The following ANKIB1 variants were observed in gnomAD, a reference collection of about 807,000 sequenced individuals.
ANKIB1 encodes ankyrin repeat and IBR domain containing 1.
A neutral mutation model predicts 122.1 loss-of-function variants in ANKIB1; 43 were observed. The ratio of observed to expected loss-of-function variants is 0.35; its 90% CI spans 0.28 to 0.45. The LOEUF is 0.45. Among genes scored for constraint, ANKIB1 ranks in the 20% least tolerant of loss-of-function variants. The probability of loss-of-function intolerance (pLI) is 1.00; values close to 1 mark genes in which losing one functional copy is unlikely to be tolerated. For missense variants in ANKIB1, 992 were observed against 1,329.5 expected (o/e 0.75, Z 3.95); for synonymous variants, 390 against 442.0 (o/e 0.88, Z 1.48).
intron 10 of ANKIB1, among the ~76,000 whole-genome samples, chr7:92,364,310 T>TG (rs1804021769): frequency 6.0e-5 from 2 of 33,506 alleles, no homozygotes; most frequent in Non-Finnish European, 1.2e-4. Context: ...AGACTCCATC[T>TG]AAAAAAAAAA....
chr7:92,342,367 G>A (rs2131975073), intron 5 of ANKIB1, among the ~76,000 whole-genome samples: 1 of 152,262 alleles, frequency 6.6e-6, no homozygotes, highest in East Asian at 1.9e-4. Context: ...TGTTTTTAAA[G>A]GGTTAGGTTT....
At chr7:92,372,129 A>T (rs1392980388) in intron 11 of ANKIB1, among the ~76,000 whole-genome samples, 1 of 152,074 alleles carries the variant, frequency 6.6e-6, no homozygotes, top group African/African-American at 2.4e-5. Flanking sequence ...TACTGTCTCC[A>T]TACAATTGGC....
At position 92,397,931 on chromosome 7, in the gene ANKIB1, C is replaced by T; in HGVS notation, c.2532+72C>T. The T allele has an allele frequency of 2.6e-6, 4 of 1,513,856 alleles. No homozygotes were observed. The South Asian group carries it at 3.8e-5, about 14-fold the overall frequency. The allele number at this position is 1,513,856 out of a possible 1,614,324, so 93.8% of individuals were successfully genotyped here. A position where few individuals can be genotyped will look rare whatever the true frequency, so the allele number is the denominator to read the frequency against. ...TGCTGAGTGTGGTTTCCTGTTGTTA[C>T]TTTCATCGCTTTCCTATTTCTTCCT... On this transcript the variant is annotated intron_variant, in intron 19 of 19. Coordinates refer to ENST00000265742, the MANE Select transcript of ANKIB1 (RefSeq NM_019004.2).
chr7:92,386,552 A>G lies in ANKIB1; in HGVS notation c.1661A>G (p.Lys554Arg), dbSNP rs1236265453. The change falls in exon 12 of 20, where the codon AAA (lysine) becomes AGA (arginine). Residue 554 changes from lysine to arginine, a missense_variant. Lys to Arg is a conservative substitution (Grantham distance 26). Coordinates refer to ENST00000265742, the MANE Select transcript of ANKIB1 (RefSeq NM_019004.2). ...TGGATTTGCCTTGAAGAGTGGAAAA[A>G]ACATAGTTCGTCCACTGGAGGTTAT... Reference protein sequence around the residue: ...FCWICLEEWKKHSSSTGGYYR... With the variant: ...FCWICLEEWKRHSSSTGGYYR... 5 of 1,606,042 alleles carry G rather than the reference A, an allele frequency of 3.1e-6. No homozygotes were observed. The highest frequency in any genetic ancestry group is 4.5e-5 in the East Asian group (2 of 44,566).
At chr7:92,261,175 C>G (rs1801554221) in intron 1 of ANKIB1, among the ~76,000 whole-genome samples, 1 of 151,484 alleles carries the variant, frequency 6.6e-6, no homozygotes, top group Non-Finnish European at 1.5e-5. Flanking sequence ...CGGTGAAACC[C>G]CGTCTCTACT....
intron 10 of ANKIB1, 96 bp from the exon 11 acceptor site, chr7:92,371,381 A>G: frequency 2.0e-6 from 2 of 1,018,496 alleles, no homozygotes; most frequent in East Asian, 5.2e-5. Context: ...TAAAATTGAG[A>G]GACAGCCTGC....
rs143899568 is a variant in ANKIB1, at chr7:92,290,528, A to AGT, written c.-90-4347_-90-4346dup. Among the ~76,000 whole-genome samples, 124 of 149,994 alleles carry AGT rather than the reference A, an allele frequency of 8.3e-4. No individual in the cohort carries two copies. The South Asian group carries it at 9.5e-3, about 12-fold the overall frequency. ...ACTGCAGAAGACTAAATTGAGTATG[A>AGT]GTGTGTGTGTGTGTGACCTATATCC... On this transcript the variant is annotated intron_variant, in intron 1 of 19. Coordinates refer to ENST00000265742, the MANE Select transcript of ANKIB1 (RefSeq NM_019004.2).
intron 2 of ANKIB1, 65 bp downstream of exon 2, chr7:92,295,231 T>TG: frequency 8.1e-7 from 1 of 1,227,664 alleles, no homozygotes; most frequent in Non-Finnish European, 1.1e-6. Context: ...AACAAAGTGG[T>TG]GAAAAAAAAG....
intron 3 of ANKIB1, among the ~76,000 whole-genome samples, chr7:92,313,598 A>AT: frequency 6.6e-6 from 1 of 152,238 alleles, no homozygotes; most frequent in African/African-American, 2.4e-5. Flanking sequence ...TAATTTTTTA[A>AT]TTTTACATAT....
intron 5 of ANKIB1, among the ~76,000 whole-genome samples, chr7:92,339,347 T>G (rs1250213795): frequency 6.6e-6 from 1 of 152,086 alleles, no homozygotes; most frequent in Non-Finnish European, 1.5e-5. Context: ...TGGCCAAAAA[T>G]TTTTTAAAGT....
rs1337056516 is a variant in ANKIB1, at chr7:92,399,650, G to A, written c.*701G>A. 1 of 152,176 alleles carries A rather than the reference G, an allele frequency of 6.6e-6. No homozygotes were observed. Among genetic ancestry groups the A allele is most frequent in the Non-Finnish European group, 1.5e-5 (1 of 68,042 alleles). The allele number at this position is 152,176 out of a possible 1,614,324, so 9.4% of individuals were successfully genotyped here. A position where few individuals can be genotyped will look rare whatever the true frequency, so the allele number is the denominator to read the frequency against. ...GTGTCAGCGTTCTCGGGAGTAAAAG[G>A]TGCCACTTGGTAGCAATGATATTCC... On this transcript the variant is annotated 3_prime_UTR_variant, in exon 20 of 20. Transcript: ENST00000265742.
rs528172595 is a variant in ANKIB1, at chr7:92,400,014, C to T, written c.*1065C>T. The T allele has an allele frequency of 9.9e-5, 15 of 152,240 alleles. No individual in the cohort carries two copies. The highest frequency in any genetic ancestry group is 1.4e-4 in the African/African-American group (6 of 41,522). 9.4% of individuals were successfully genotyped at this position (152,240 alleles called of 1,614,324 possible). A position where few individuals can be genotyped will look rare whatever the true frequency, so the allele number is the denominator to read the frequency against. ...TAAAACATCCTGCGCAACATGTTAC[C>T]GTGCCTTTGCCTAACCTAAATGGAT... On this transcript the variant is annotated 3_prime_UTR_variant, in exon 20 of 20. Transcript: ENST00000265742.
In ANKIB1 at chr7:92,392,312, T is replaced by G. The variant is rs947210680; in HGVS notation, c.2283+20T>G. The G allele has an allele frequency of 1.2e-6, 2 of 1,607,296 alleles. No homozygotes were observed. Among genetic ancestry groups the G allele is most frequent in the Non-Finnish European group, 1.7e-6 (2 of 1,176,154 alleles). On this transcript the variant is annotated intron_variant, in intron 17 of 19. Transcript: ENST00000265742. ...CCAGAGGTAATTGTTTTATGGGGTT[T>G]TTGTTTTTGTATTTTTTCTTAGTGC...
intron 5 of ANKIB1, among the ~76,000 whole-genome samples, chr7:92,335,315 T>C (rs527572680): frequency 1.3e-5 from 2 of 152,150 alleles, no homozygotes; most frequent in South Asian, 4.1e-4. Flanking sequence ...GTAGTCTGTC[T>C]TGATGACTAT....
At chr7:92,303,952 G>C (rs1305545113) in intron 2 of ANKIB1, among the ~76,000 whole-genome samples, 1 of 151,932 alleles carries the variant, frequency 6.6e-6, no homozygotes, top group African/African-American at 2.4e-5. Context: ...CTCCTGGATG[G>C]GTTATTAGGG....
chr7:92,269,800 TTTA>T (rs1801745270), intron 1 of ANKIB1, among the ~76,000 whole-genome samples: 1 of 152,110 alleles, frequency 6.6e-6, no homozygotes, highest in Non-Finnish European at 1.5e-5. Context: ...TCTTTTTTTT[TTTA>T]AAAAAAATTA....
intron 14 of ANKIB1, among the ~76,000 whole-genome samples, chr7:92,388,646 G>A (rs1562800433): frequency 1.3e-5 from 2 of 152,284 alleles, no homozygotes; most frequent in Admixed American, 6.5e-5. Flanking sequence ...CACACAGAGT[G>A]CAGGTTCTGG....
At chr7:92,249,110 A>T (rs1328324071) in intron 1 of ANKIB1, among the ~76,000 whole-genome samples, 2 of 151,598 alleles carry the variant, frequency 1.3e-5, no homozygotes, top group African/African-American at 4.8e-5. Flanking sequence ...CTGGTCTCAA[A>T]CTCCTGAACT....
intron 10 of ANKIB1, among the ~76,000 whole-genome samples, chr7:92,368,428 A>G (rs1804148554): frequency 6.6e-6 from 1 of 151,916 alleles, no homozygotes; most frequent in Non-Finnish European, 1.5e-5. Context: ...TAAGAACAGT[A>G]TGTATAAGCT....
Sources: gnomAD v4.1 joint callset for allele counts (sites outside exome capture counted in the v4.1 genomes callset) on GRCh38, gnomAD v4.1.1 for gene constraint, MANE v1.5 for transcripts, NCBI Gene and HGNC (gene_info 2026-07-23, HGNC 2026-07-21) for gene names.